Variants in CTSD observed in about 807,000 individuals in gnomAD.
The protein encoded by CTSD is ceroid-lipofuscinosis, neuronal 10.
In CTSD, 28 loss-of-function variants were observed where a neutral mutation model predicts 43.6. The observed-to-expected ratio is 0.64, with a 90% CI of 0.48 to 0.88. The LOEUF (loss-of-function observed/expected upper bound fraction) is 0.88. CTSD is among the 40% of genes least tolerant of loss of function. CTSD has a pLI of 0.00. For synonymous variants in CTSD, 270 were observed against 249.8 expected (o/e 1.08, Z -0.76); for missense variants, 485 against 555.2 (o/e 0.87, Z 1.27).
intron 3 of CTSD, 25 bp from the exon 4 acceptor site, chr11:1,759,112 G>A (rs745459897): frequency 3.0e-5 from 47 of 1,547,400 alleles, no homozygotes; most frequent in Non-Finnish European, 3.8e-5. Context: ...AAGGGGGCCC[G>A]CCGGTCATCC....
chr11:1,754,198 TGCCCCTCCCTGGGA>T (rs760917550), intron 6 of CTSD, 60 bp from the exon 7 acceptor site: 500 of 1,566,558 alleles, frequency 3.2e-4, no homozygotes, highest in Non-Finnish European at 4.1e-4. Context: ...GGGGGCCCAG[TGCCCCTCCCTGGGA>T]GCCCCTCCCC....
At position 1,753,478 on chromosome 11, in the gene CTSD, T is replaced by C; in HGVS notation, c.*25A>G. 1 of 1,612,774 alleles carries C rather than the reference T, an allele frequency of 6.2e-7. No homozygotes were observed. Among genetic ancestry groups the C allele is most frequent in the Non-Finnish European group, 8.5e-7 (1 of 1,179,796 alleles). On this transcript the variant is annotated 3_prime_UTR_variant, in exon 9 of 9. Coordinates refer to ENST00000236671, the MANE Select transcript of CTSD (RefSeq NM_001909.5). ...GCTCTGGGACTCTCCTCTGTTTCTG[T>C]GCTGGCGCGCGGACGCCTTGGGAAC...
Position 1,754,098 on chromosome 11 carries a change from A to G in CTSD, c.868T>C (p.Cys290Arg). Residue 290 changes from cysteine to arginine, a missense_variant, in exon 7 of 9, where the codon TGT (cysteine) becomes CGT (arginine). Coordinates refer to ENST00000236671, the MANE Select transcript of CTSD (RefSeq NM_001909.5). ...ASGLTLCKEG[C>R]EAIVDTGTSL... ...GTGCCTGTGTCCACAATGGCCTCAC[A>G]GCCCTCCTTGCACAGGGTCAGCCCG... is the stretch of plus-strand genomic sequence containing the variant. 1.2e-6 allele frequency: 2 copies of G among 1,611,236 alleles called. No individual in the cohort carries two copies. The highest frequency in any genetic ancestry group is 8.5e-7 in the Non-Finnish European group (1 of 1,179,774).
chr11:1,753,993 C>A lies in CTSD; in HGVS notation c.972+1G>T. ...CCCCAGCCCCAGCCCCCGGCGCTCA[C>A]CTCGCCCTGAATCAGCGGCACGGCC... On this transcript the variant is annotated splice_donor_variant, in intron 7 of 8. Transcript: ENST00000236671. LOFTEE classifies it high-confidence loss of function. The A allele has an allele frequency of 6.2e-7, 1 of 1,606,154 alleles. No homozygotes were observed. Among genetic ancestry groups the A allele is most frequent in the South Asian group, 1.1e-5 (1 of 90,616 alleles).
At chr11:1,757,258 A>T in intron 5 of CTSD, 66 bp downstream of exon 5, 1 of 1,342,900 alleles carries the variant, frequency 7.4e-7, no homozygotes, top group Non-Finnish European at 1.1e-6. Flanking sequence ...GGTGCCTAGA[A>T]GGCTCCCCGT....
chr11:1,762,351 G>A (rs1287599873), intron 1 of CTSD: 1 of 152,292 alleles, frequency 6.6e-6, no homozygotes, highest in African/African-American at 2.4e-5. Flanking sequence ...GAGTAAGAGA[G>A]AGAGGGGTCC....
At chr11:1,763,662 G>T in intron 1 of CTSD, 130 bp downstream of exon 1, 1 of 894,528 alleles carries the variant, frequency 1.1e-6, no homozygotes, top group Non-Finnish European at 1.6e-6. Flanking sequence ...GGGCGGCACA[G>T]GTGCATTCCA....
intron 1 of CTSD, 176 bp from the exon 2 acceptor site, chr11:1,761,644 G>T: frequency 1.4e-6 from 1 of 711,012 alleles, no homozygotes; most frequent in Non-Finnish European, 2.5e-6. Flanking sequence ...TCAGTGAATG[G>T]CAACCCATTG....
In CTSD at chr11:1,759,080, G is replaced by A. The variant is rs1456005145; in HGVS notation, c.360C>T (p.His120=). Residue 120 remains histidine, a synonymous_variant, in exon 4 of 9, where the codon CAC becomes CAT. Transcript: ENST00000236671. ...TGGACTTGTCGCTGTTGTACTTGTG[G>A]TGGATCCCTGCCCCGGGCGACAAGG... ...CKLLDIACWI[H]HKYNSDKSST... is the part of the protein sequence containing the mutation. 5 of 1,613,122 alleles carry A rather than the reference G, an allele frequency of 3.1e-6. No individual in the cohort carries two copies. The highest frequency in any genetic ancestry group is 4.5e-5 in the East Asian group (2 of 44,884).
At chr11:1,757,590 C>T (rs1173275053) in intron 4 of CTSD, 34 bp from the exon 5 acceptor site, 6 of 1,542,268 alleles carry the variant, frequency 3.9e-6, no homozygotes, top group Non-Finnish European at 5.3e-6. Context: ...GGGCAGCAGA[C>T]AGGCTGAGCC....
Position 1,755,588 on chromosome 11 carries a change from C to T in CTSD, c.705-560G>A, listed in dbSNP as rs1233445395. ...TGCTCCTGGGCAGGAGCGCACTGCA[C>T]TTCCTAGGACCTGCAACCCATGTCG... On this transcript the variant is annotated intron_variant, in intron 5 of 8. Transcript: ENST00000236671. Among the ~76,000 whole-genome samples the T allele has an allele frequency of 2.0e-5, 3 of 152,186 alleles. No homozygotes were observed. In the East Asian group the frequency reaches 5.8e-4, roughly 29 times the overall value.
chr11:1,757,752 T>C (rs1845827730), intron 4 of CTSD, among the ~76,000 whole-genome samples, 196 bp from the exon 5 acceptor site: 1 of 152,116 alleles, frequency 6.6e-6, no homozygotes, highest in Non-Finnish European at 1.5e-5. Flanking sequence ...CGGGGCCCTC[T>C]TCGTGGAAGT....
In CTSD at chr11:1,752,967, C is replaced by G. The variant is rs1845745302; in HGVS notation, c.*536G>C. 4.7e-6 allele frequency: 1 copy of G among 211,634 alleles called. No individual in the cohort carries two copies. The highest frequency in any genetic ancestry group is 9.7e-6 in the Non-Finnish European group (1 of 103,004). 13.1% of individuals were successfully genotyped at this position (211,634 alleles called of 1,614,324 possible). The stretch of plus-strand genomic sequence containing the variant: ...AGGTGGGTTTTGTCCCCTCTCACTC[C>G]TTCCAGCTCATCCTCAGGCCTCTAG... On this transcript the variant is annotated 3_prime_UTR_variant, in exon 9 of 9. Transcript: ENST00000236671.
At chr11:1,760,657 C>G (rs1187899090) in intron 2 of CTSD, 1 of 155,674 alleles carries the variant, frequency 6.4e-6, no homozygotes, top group East Asian at 1.9e-4. Flanking sequence ...CTGGTTCCCC[C>G]CAGGGCCCCC....
At chr11:1,755,851 T>A (rs912551202) in intron 5 of CTSD, among the ~76,000 whole-genome samples, 12 of 152,098 alleles carry the variant, frequency 7.9e-5, no homozygotes, top group African/African-American at 2.7e-4. Flanking sequence ...TTGCCTCTTG[T>A]CAACACCTCT....
intron 2 of CTSD, chr11:1,760,917 T>C (rs888128957): frequency 1.1e-4 from 34 of 318,946 alleles, no homozygotes; most frequent in Middle Eastern, 2.3e-3. Flanking sequence ...GGAGGGGCTG[T>C]TGCGAGAGGA....
At chr11:1,759,716 C>T (rs1381373808) in intron 2 of CTSD, 77 bp from the exon 3 acceptor site, 1 of 1,492,814 alleles carries the variant, frequency 6.7e-7, no homozygotes, top group Non-Finnish European at 9.1e-7. Context: ...GCCCGGCTGT[C>T]CCCAGAGCCA....
At chr11:1,763,659 A>C in intron 1 of CTSD, 133 bp downstream of exon 1, 2 of 876,980 alleles carry the variant, frequency 2.3e-6, no homozygotes, top group Non-Finnish European at 1.7e-6. Context: ...GCAGGGCGGC[A>C]CAGGTGCATT....
At chr11:1,760,004 C>T (rs985179029) in intron 2 of CTSD, among the ~76,000 whole-genome samples, 4 of 152,306 alleles carry the variant, frequency 2.6e-5, no homozygotes, top group East Asian at 3.9e-4. Context: ...CAGGAAAGCC[C>T]GGCCTGGAAG....
Sources: allele counts gnomAD v4.1 joint callset (sites outside exome capture counted in the v4.1 genomes callset), GRCh38; gene constraint gnomAD v4.1.1; transcripts MANE v1.5; gene names NCBI Gene and HGNC (gene_info 2026-07-23, HGNC 2026-07-21).